Variants in SHTN1 observed in about 807,000 individuals in gnomAD.
SHTN1 encodes shootin 1, also known as shootin-1.
In SHTN1, 42 loss-of-function variants were observed where a neutral mutation model predicts 83.1. That is an observed-to-expected ratio of 0.51 (90% CI 0.39 to 0.65). The LOEUF (loss-of-function observed/expected upper bound fraction) is 0.65, where lower values mean the gene tolerates loss of function less well. SHTN1 is among the 30% of genes least tolerant of loss of function. The pLI is 0.00. For missense variants in SHTN1, 622 were observed against 737.8 expected (o/e 0.84, Z 1.82); for synonymous variants, 224 against 247.7 (o/e 0.90, Z 0.90).
At chr10:117,089,284 A>G (rs1302637977) in intron 1 of SHTN1, among the ~76,000 whole-genome samples, 1 of 152,228 alleles carries the variant, frequency 6.6e-6, no homozygotes, top group Admixed American at 6.5e-5. Context: ...AGTACACTTA[A>G]AACAACCTTT....
chr10:116,909,971 C>T (rs2133343420), intron 14 of SHTN1, among the ~76,000 whole-genome samples: 1 of 152,220 alleles, frequency 6.6e-6, no homozygotes, highest in South Asian at 2.1e-4. Flanking sequence ...TCTTACATGC[C>T]ATGATTGTGA....
At chr10:116,906,336 G>A (rs1195561557) in intron 15 of SHTN1, among the ~76,000 whole-genome samples, 2 of 152,178 alleles carry the variant, frequency 1.3e-5, no homozygotes, top group African/African-American at 4.8e-5. Context: ...ATGCTATATT[G>A]TTGCCGAATC....
chr10:117,053,979 A>G (rs1852787360), intron 1 of SHTN1, among the ~76,000 whole-genome samples: 1 of 152,266 alleles, frequency 6.6e-6, no homozygotes, highest in African/African-American at 2.4e-5. Flanking sequence ...GCCAAGTGAA[A>G]GAAGCTAAAC....
intron 7 of SHTN1, among the ~76,000 whole-genome samples, chr10:116,946,690 A>T (rs1270118628): frequency 2.8e-5 from 4 of 143,548 alleles, no homozygotes; most frequent in African/African-American, 1.0e-4. Context: ...TATATATATA[A>T]TATATATATA....
intron 14 of SHTN1, 71 bp from the exon 15 acceptor site, chr10:116,906,818 A>C: frequency 8.2e-7 from 1 of 1,218,992 alleles, no homozygotes; most frequent in African/African-American, 1.6e-5. Context: ...TATAAAAATC[A>C]AACCATGAAA....
intron 1 of SHTN1, among the ~76,000 whole-genome samples, chr10:117,066,996 G>A (rs1231644182): frequency 6.6e-6 from 1 of 152,296 alleles, no homozygotes; most frequent in African/African-American, 2.4e-5. Context: ...TAAAAGTGTT[G>A]TTTAGGCAAA....
At chr10:116,968,518 G>C in intron 3 of SHTN1, 134 bp downstream of exon 3, 1 of 600,002 alleles carries the variant, frequency 1.7e-6, no homozygotes, top group Non-Finnish European at 2.9e-6. Flanking sequence ...GGGCATGTTT[G>C]GACAAATAGA....
At chr10:117,075,142 A>T (rs1853134143) in intron 1 of SHTN1, among the ~76,000 whole-genome samples, 1 of 152,196 alleles carries the variant, frequency 6.6e-6, no homozygotes, top group Admixed American at 6.6e-5. Flanking sequence ...AAAATGTTCT[A>T]GATCTCCTTT....
At chr10:116,990,559 A>G (rs1347070045) in intron 1 of SHTN1, among the ~76,000 whole-genome samples, 1 of 152,112 alleles carries the variant, frequency 6.6e-6, no homozygotes, top group Non-Finnish European at 1.5e-5. Flanking sequence ...GTTAACAATG[A>G]GGGTCTTTAC....
At chr10:117,090,815 A>G (rs1183594569) in intron 1 of SHTN1, among the ~76,000 whole-genome samples, 1 of 85,444 alleles carries the variant, frequency 1.2e-5, no homozygotes, top group Admixed American at 1.1e-4. Context: ...GGAAGGAAGG[A>G]AGGAAAGGAG....
At chr10:117,082,807 T>C (rs1277796794) in intron 1 of SHTN1, among the ~76,000 whole-genome samples, 2 of 151,930 alleles carry the variant, frequency 1.3e-5, no homozygotes, top group African/African-American at 4.8e-5. Context: ...TCTTTGTCTC[T>C]TTTGATCTTT....
chr10:117,091,941 A>C (rs17095665), intron 1 of SHTN1, among the ~76,000 whole-genome samples: 3,580 of 152,288 alleles, frequency 0.024, 125 homozygotes, highest in East Asian at 0.12. Context: ...CTTATTAATG[A>C]CTGCCATGTG....
At chr10:117,026,224 C>A (rs1852330974) in intron 2 of SHTN1, among the ~76,000 whole-genome samples, 1 of 152,186 alleles carries the variant, frequency 6.6e-6, no homozygotes, top group South Asian at 2.1e-4. Flanking sequence ...GGATCATTCA[C>A]CACAAGCTGA....
intron 12 of SHTN1, among the ~76,000 whole-genome samples, chr10:116,919,957 T>C (rs1848497071): frequency 6.6e-6 from 1 of 152,070 alleles, no homozygotes; most frequent in African/African-American, 2.4e-5. Context: ...ATTCATTCAA[T>C]ATGCATGAAA....
At chr10:117,054,885 T>C (rs537781586) in intron 1 of SHTN1, among the ~76,000 whole-genome samples, 53 of 152,292 alleles carry the variant, frequency 3.5e-4, no homozygotes, top group African/African-American at 1.2e-3. Context: ...TATTGATTTA[T>C]GTCTTTGTCT....
At chr10:116,934,356 G>A (rs183929343) in intron 9 of SHTN1, among the ~76,000 whole-genome samples, 71 of 152,258 alleles carry the variant, frequency 4.7e-4, no homozygotes, top group African/African-American at 1.7e-3. Context: ...TTTACGTAAG[G>A]AAGAGGTCCA....
intron 2 of SHTN1, among the ~76,000 whole-genome samples, chr10:117,017,792 G>C (rs10749232): frequency 0.96 from 146,033 of 152,234 alleles, 70,323 homozygotes; most frequent in Non-Finnish European, 1. Flanking sequence ...GCAGACGGCA[G>C]TTTAACTAAG....
At chr10:116,949,319 T>TG (rs899737212) in intron 6 of SHTN1, among the ~76,000 whole-genome samples, 5 of 151,950 alleles carry the variant, frequency 3.3e-5, no homozygotes, top group Admixed American at 6.6e-5. Context: ...AATATAGAGA[T>TG]GGGGTCTCCT....
rs183401334 is a variant in SHTN1 at position 117,119,031 on chromosome 10, A to C, written c.-189+7276T>G. Among the ~76,000 whole-genome samples, 476 of 152,356 alleles carry C rather than the reference A, an allele frequency of 3.1e-3. 2 individuals are homozygous for C. The highest frequency in any genetic ancestry group is 0.011 in the African/African-American group (458 of 41,596). On this transcript the variant is annotated intron_variant, in intron 1 of 17. Transcript: ENST00000392901. ...AGAATTAAATCCTGTCATTTGCAGC[A>C]CCATGGGTGGAATTGATGGTCATTA...
Sources: gnomAD v4.1 joint callset for allele counts (sites outside exome capture counted in the v4.1 genomes callset) on GRCh38, gnomAD v4.1.1 for gene constraint, MANE v1.5 for transcripts, NCBI Gene and HGNC (gene_info 2026-07-23, HGNC 2026-07-21) for gene names.